The following PATJ variants were observed in gnomAD, a reference collection of about 807,000 sequenced individuals.
PATJ encodes the protein inaD-like protein.
Under a neutral mutation model 224.9 loss-of-function variants are expected in PATJ, and 190 were observed. The ratio of observed to expected loss-of-function variants is 0.84; its 90% confidence interval spans 0.75 to 0.95. The LOEUF (loss-of-function observed/expected upper bound fraction) is 0.95, where lower values mean the gene tolerates loss of function less well. PATJ is among the 40% of genes least tolerant of loss of function. The pLI is 0.00. For missense variants in PATJ, 2,121 were observed against 2,270.3 expected (o/e 0.93, Z 1.34); for synonymous variants, 769 against 820.3 (o/e 0.94, Z 1.07).
intron 20 of PATJ, among the ~76,000 whole-genome samples, chr1:61,869,542 T>G (rs996162139): frequency 1.5e-4 from 23 of 152,176 alleles, no homozygotes; most frequent in African/African-American, 5.1e-4. Context: ...AACTTGCTGC[T>G]TAGTCACATA....
chr1:62,058,629 G>A (rs190356007), intron 31 of PATJ, among the ~76,000 whole-genome samples: 18 of 152,266 alleles, frequency 1.2e-4, no homozygotes, highest in Non-Finnish European at 2.4e-4. Context: ...TTTTGTATGT[G>A]AAATTTCTGA....
At chr1:61,773,045 G>A (rs1646707072) in intron 6 of PATJ, among the ~76,000 whole-genome samples, 1 of 151,798 alleles carries the variant, frequency 6.6e-6, no homozygotes, top group African/African-American at 2.4e-5. Context: ...TTTTTGAGAT[G>A]GAGTCTTGCT....
chr1:62,051,291 C>A (rs1265855392), intron 31 of PATJ, among the ~76,000 whole-genome samples: 2 of 151,952 alleles, frequency 1.3e-5, no homozygotes, highest in African/African-American at 4.8e-5. Context: ...GCAATCTCTC[C>A]TCTTTTTTTT....
intron 43 of PATJ, among the ~76,000 whole-genome samples, chr1:62,156,370 G>A (rs143851880): frequency 0.016 from 2,386 of 150,680 alleles, 59 homozygotes; most frequent in African/African-American, 0.055. Flanking sequence ...TCTCTACTAA[G>A]AATACAAAAA....
At chr1:61,850,418 G>T (rs1662631054) in intron 17 of PATJ, among the ~76,000 whole-genome samples, 1 of 152,186 alleles carries the variant, frequency 6.6e-6, no homozygotes, top group African/African-American at 2.4e-5. Context: ...GAAAGTAACT[G>T]TACATTGAAA....
At chr1:62,103,877 C>G (rs1355355838) in intron 33 of PATJ, among the ~76,000 whole-genome samples, 1 of 151,968 alleles carries the variant, frequency 6.6e-6, no homozygotes, top group Non-Finnish European at 1.5e-5. Flanking sequence ...GGGAGGTTAA[C>G]AGTCTTCCCC....
intron 28 of PATJ, among the ~76,000 whole-genome samples, chr1:62,000,944 G>C (rs1569883188): frequency 6.6e-6 from 1 of 150,942 alleles, no homozygotes; most frequent in South Asian, 2.1e-4. Flanking sequence ...TTCTCTGATG[G>C]CCAGTGATGA....
intron 17 of PATJ, among the ~76,000 whole-genome samples, chr1:61,849,892 G>A (rs1266585393): frequency 1.3e-5 from 2 of 152,048 alleles, no homozygotes; most frequent in Non-Finnish European, 2.9e-5. Context: ...TTCTTTATTG[G>A]GGTAATACTG....
chr1:61,948,480 C>G (rs1213759807), intron 27 of PATJ, among the ~76,000 whole-genome samples: 3 of 152,118 alleles, frequency 2.0e-5, no homozygotes, highest in African/African-American at 4.8e-5. Flanking sequence ...TCATCACTGG[C>G]CATCAGAGAA....
intron 21 of PATJ, among the ~76,000 whole-genome samples, chr1:61,877,138 C>A (rs1455943041): frequency 6.6e-6 from 1 of 152,104 alleles, no homozygotes; most frequent in Admixed American, 6.6e-5. Context: ...ACACACTAAG[C>A]TTCAGGAGGG....
chr1:62,009,638 G>A lies in PATJ; in HGVS notation c.3868-8218G>A, dbSNP rs139057848. On this transcript the variant is annotated intron_variant, in intron 28 of 43. Transcript: ENST00000642238. ...TCAGGAAAGATTTCTCAGTAACATCGGATGCTGTTTAATAGCATTTTACCC... is the reference window on the plus strand; with the variant it reads ...TCAGGAAAGATTTCTCAGTAACATCAGATGCTGTTTAATAGCATTTTACCC... Among the ~76,000 whole-genome samples, 13 of 152,174 alleles carry A rather than the reference G, an allele frequency of 8.5e-5. 1 individual carries two copies. Among genetic ancestry groups the A allele is most frequent in the African/African-American group, 2.2e-4 (9 of 41,512 alleles).
At chr1:61,894,240 G>A (rs1670013268) in intron 22 of PATJ, among the ~76,000 whole-genome samples, 2 of 149,944 alleles carry the variant, frequency 1.3e-5, no homozygotes, top group South Asian at 4.3e-4. Context: ...GGCAACAAGA[G>A]CGAAACTCTA....
intron 30 of PATJ, among the ~76,000 whole-genome samples, chr1:62,040,155 G>A (rs1257819426): frequency 5.3e-5 from 8 of 151,394 alleles, no homozygotes; most frequent in African/African-American, 1.9e-4. Context: ...TGTCACCCAG[G>A]CGGAGTGCAG....
intron 22 of PATJ, among the ~76,000 whole-genome samples, chr1:61,897,593 G>A (rs548277739): frequency 6.6e-6 from 1 of 152,226 alleles, no homozygotes; most frequent in East Asian, 1.9e-4. Flanking sequence ...AGAAGGGGAG[G>A]GCATAGAGCA....
intron 17 of PATJ, among the ~76,000 whole-genome samples, chr1:61,849,207 T>C (rs1662433651): frequency 6.6e-6 from 1 of 152,200 alleles, no homozygotes; most frequent in Non-Finnish European, 1.5e-5. Context: ...CATTTCATCC[T>C]TGTGAAGGAC....
At chr1:62,098,365 A>AAAAAAAG (rs1041904568) in intron 33 of PATJ, among the ~76,000 whole-genome samples, 1 of 151,470 alleles carries the variant, frequency 6.6e-6, no homozygotes, top group Non-Finnish European at 1.5e-5. Context: ...TCTCAAAAAA[A>AAAAAAAG]AAAAGAAAAA....
At chr1:61,861,511 T>G (rs1311577763) in intron 18 of PATJ, 40 bp from the exon 19 acceptor site, 2 of 749,610 alleles carry the variant, frequency 2.7e-6, no homozygotes, top group African/African-American at 3.7e-5. Context: ...CACCCCACAA[T>G]ATTTTCTTAT....
Position 61,864,609 on chromosome 1 carries a change from G to T in PATJ, c.2811G>T (p.Pro937=). Reference sequence around the variant, plus strand: ...CTGTCTATTCCCAGGAGGCACAGCCGTATGGCTATTGCCCTGAAAATGTGG... The same window carrying T: ...CTGTCTATTCCCAGGAGGCACAGCCTTATGGCTATTGCCCTGAAAATGTGG... ...GRTVYSQEAQ[P]YGYCPENVMK... The change falls in exon 20 of 44, where the codon CCG becomes CCT. Residue 937 remains proline (P), a synonymous_variant. Transcript: ENST00000642238. 3.1e-6 allele frequency: 5 copies of T among 1,598,312 alleles called. No homozygotes were observed. The highest frequency in any genetic ancestry group is 4.3e-6 in the Non-Finnish European group (5 of 1,172,962).
chr1:62,022,143 G>C (rs1338436256), intron 29 of PATJ, among the ~76,000 whole-genome samples: 1 of 152,122 alleles, frequency 6.6e-6, no homozygotes, highest in Non-Finnish European at 1.5e-5. Context: ...TATGCTGCAG[G>C]CAACATTTTA....
Sources: gnomAD v4.1 joint callset for allele counts (sites outside exome capture counted in the v4.1 genomes callset) on GRCh38, gnomAD v4.1.1 for gene constraint, MANE v1.5 for transcripts, NCBI Gene and HGNC (gene_info 2026-07-23, HGNC 2026-07-21) for gene names.